The following PDE4D variants were observed in gnomAD, a reference collection of about 807,000 sequenced individuals.
PDE4D encodes the protein phosphodiesterase 4D.
PDE4D carries 24 observed loss-of-function variants against 87.4 expected under a neutral mutation model. The observed-to-expected ratio is 0.27, with a 90% CI of 0.20 to 0.39. The LOEUF (loss-of-function observed/expected upper bound fraction) is 0.39. Ranked by LOEUF, PDE4D falls within the 10% of genes least tolerant of loss-of-function variation. The probability of loss-of-function intolerance (pLI) is 1.00; values close to 1 mark genes in which losing one functional copy is unlikely to be tolerated. For missense variants in PDE4D, 714 were observed against 1,041.0 expected (o/e 0.69, Z 4.32); for synonymous variants, 384 against 383.2 (o/e 1.00, Z -0.02).
intron 5 of PDE4D, among the ~76,000 whole-genome samples, chr5:59,175,117 G>T (rs922212540): frequency 2.0e-5 from 3 of 152,172 alleles, no homozygotes; most frequent in African/African-American, 7.2e-5. Context: ...TCAAAAATGG[G>T]ATCACTGTCC....
At chr5:60,034,564 A>T (rs1273570883) in intron 2 of PDE4D, among the ~76,000 whole-genome samples, 1 of 152,090 alleles carries the variant, frequency 6.6e-6, no homozygotes, top group African/African-American at 2.4e-5. Flanking sequence ...ATCAAGGAAA[A>T]TCCCCCCATC....
chr5:59,766,020 G>A (rs1762745875), intron 1 of PDE4D, among the ~76,000 whole-genome samples: 1 of 152,226 alleles, frequency 6.6e-6, no homozygotes, highest in Non-Finnish European at 1.5e-5. Context: ...AGGAAACTGT[G>A]AGGCAGAACA....
intron 5 of PDE4D, among the ~76,000 whole-genome samples, chr5:59,150,544 A>T (rs1253435655): frequency 6.6e-6 from 1 of 152,182 alleles, no homozygotes; most frequent in Admixed American, 6.5e-5. Flanking sequence ...GAATGGGGAT[A>T]ATGCTTCTTT....
intron 1 of PDE4D, among the ~76,000 whole-genome samples, chr5:59,825,285 A>G (rs1770188865): frequency 6.6e-6 from 1 of 152,204 alleles, no homozygotes; most frequent in Non-Finnish European, 1.5e-5. Flanking sequence ...AAGGGTTAGC[A>G]TCAGGTCTGA....
intron 5 of PDE4D, among the ~76,000 whole-genome samples, chr5:59,162,597 G>C (rs1286869089): frequency 1.3e-5 from 2 of 151,830 alleles, no homozygotes; most frequent in African/African-American, 4.8e-5. Context: ...CCAGCACTTT[G>C]GGAGGCCAAG....
chr5:60,411,338 AGCTTAAGTATAAAGCAAACTTATGTAAGG>A (rs1390617626), intron 1 of PDE4D, among the ~76,000 whole-genome samples: 3 of 152,216 alleles, frequency 2.0e-5, no homozygotes, highest in Non-Finnish European at 4.4e-5. Flanking sequence ...CTAAAAGACT[AGCTTAAGTATAAAGCAAACTTATGTAAGG>A]GCTAGAACTA....
intron 1 of PDE4D, among the ~76,000 whole-genome samples, chr5:59,394,819 C>T (rs547109003): frequency 6.6e-6 from 1 of 152,128 alleles, no homozygotes; most frequent in Admixed American, 6.5e-5. Context: ...ATCTGAGGTA[C>T]TGGGTTCATC....
intron 1 of PDE4D, among the ~76,000 whole-genome samples, chr5:60,257,836 G>C (rs1309751647): frequency 6.6e-6 from 1 of 151,882 alleles, no homozygotes; most frequent in East Asian, 1.9e-4. Flanking sequence ...CCTAAAATGA[G>C]GTTGATTCTC....
intron 1 of PDE4D, among the ~76,000 whole-genome samples, chr5:59,241,993 A>G (rs1391958334): frequency 2.0e-5 from 3 of 152,122 alleles, no homozygotes; most frequent in Non-Finnish European, 4.4e-5. Context: ...TAATATATTC[A>G]TTTCTGTATT....
chr5:59,174,919 G>A (rs1165248485), intron 5 of PDE4D, among the ~76,000 whole-genome samples: 1 of 152,130 alleles, frequency 6.6e-6, no homozygotes, highest in East Asian at 1.9e-4. Flanking sequence ...GTCCTTGCAT[G>A]AAAATCCTCT....
At chr5:59,373,575 C>T (rs1784274784) in intron 1 of PDE4D, among the ~76,000 whole-genome samples, 1 of 152,014 alleles carries the variant, frequency 6.6e-6, no homozygotes, top group Non-Finnish European at 1.5e-5. Flanking sequence ...CCCTGAAATA[C>T]ATGAGGAGAA....
chr5:59,686,679 T>C (rs1190279000), intron 1 of PDE4D, among the ~76,000 whole-genome samples: 5 of 152,156 alleles, frequency 3.3e-5, no homozygotes, highest in African/African-American at 4.8e-5. Context: ...ACAGGTTATA[T>C]CTCAACACAA....
intron 1 of PDE4D, among the ~76,000 whole-genome samples, chr5:60,252,330 A>G (rs927911543): frequency 2.0e-5 from 3 of 151,144 alleles, no homozygotes; most frequent in Non-Finnish European, 4.4e-5. Context: ...TGGATGAAAT[A>G]GTTTCTTTTT....
intron 1 of PDE4D, among the ~76,000 whole-genome samples, chr5:59,401,361 T>C (rs181278890): frequency 2.0e-5 from 3 of 152,124 alleles, no homozygotes; most frequent in Admixed American, 2.0e-4. Context: ...GCCCAAACGT[T>C]CAAGGTTACA....
intron 1 of PDE4D, among the ~76,000 whole-genome samples, chr5:60,226,094 T>A (rs1413230599): frequency 2.0e-5 from 3 of 152,128 alleles, no homozygotes; most frequent in African/African-American, 7.2e-5. Flanking sequence ...ATAGTCTAAA[T>A]CCTGTCAACT....
chr5:59,709,617 G>T (rs139264907), intron 1 of PDE4D, among the ~76,000 whole-genome samples: 38 of 152,308 alleles, frequency 2.5e-4, no homozygotes, highest in African/African-American at 6.7e-4. Context: ...GAACAGAAAC[G>T]TTAGTCCAGA....
chr5:60,289,182 C>T (rs992203060), intron 1 of PDE4D, among the ~76,000 whole-genome samples: 2 of 151,998 alleles, frequency 1.3e-5, no homozygotes, highest in African/African-American at 2.4e-5. Context: ...AAGGAAAATG[C>T]GTTAGAAAAA....
At position 59,009,449 on chromosome 5, in the gene PDE4D, A is replaced by T. The variant is rs117964484; in HGVS notation, c.922-15984T>A. 3.0e-3 allele frequency among the ~76,000 whole-genome samples: 456 copies of T among 152,314 alleles called. 8 individuals are homozygous for T. The highest frequency in any genetic ancestry group is 0.026 in the East Asian group (133 of 5,182). Reference sequence around the variant, plus strand: ...TAGATGCAATAACACAAAATGTATTATAAGTGAAACTTATAATTCAACTCA... The same window carrying T: ...TAGATGCAATAACACAAAATGTATTTTAAGTGAAACTTATAATTCAACTCA... On this transcript the variant is annotated intron_variant, in intron 6 of 14. Coordinates refer to ENST00000340635, the MANE Select transcript of PDE4D (RefSeq NM_001104631.2).
At chr5:60,034,361 C>T (rs766084041) in intron 2 of PDE4D, among the ~76,000 whole-genome samples, 1 of 152,178 alleles carries the variant, frequency 6.6e-6, no homozygotes, top group Non-Finnish European at 1.5e-5. Context: ...GGATTAATTG[C>T]TTCTGGAGAT....
Sources: gnomAD v4.1 joint callset for allele counts (sites outside exome capture counted in the v4.1 genomes callset) on GRCh38, gnomAD v4.1.1 for gene constraint, MANE v1.5 for transcripts, NCBI Gene and HGNC (gene_info 2026-07-23, HGNC 2026-07-21) for gene names.